NFX1: variants seen among roughly 807,000 people sequenced by gnomAD.
The protein encoded by NFX1 is transcriptional repressor NF-X1.
In NFX1, 69 loss-of-function variants were observed where a neutral mutation model predicts 137.2. The observed-to-expected ratio is 0.50, with a 90% CI of 0.41 to 0.61. The LOEUF is 0.61. Among genes scored for constraint, NFX1 ranks in the 20% least tolerant of loss-of-function variants. The pLI, the probability that NFX1 is intolerant of heterozygous loss-of-function variation, is 0.00. For synonymous variants in NFX1, 495 were observed against 474.1 expected, an observed-to-expected ratio of 1.04 and a Z score of -0.57; for missense variants, 1,167 against 1,391.0, an observed-to-expected ratio of 0.84 and a Z score of 2.56.
chr9:33,304,530 A>T (rs999506969), intron 4 of NFX1, among the ~76,000 whole-genome samples: 6 of 152,206 alleles, frequency 3.9e-5, no homozygotes, highest in Non-Finnish European at 8.8e-5. Context: ...ATCAACTCTG[A>T]ATCTTCTAGA....
At position 33,294,649 on chromosome 9, in the gene NFX1, G is replaced by A. The variant is rs1166294762; in HGVS notation, c.255G>A (p.Thr85=). The change falls in exon 2 of 24, where the codon ACG becomes ACA. Residue 85 remains threonine (T), a synonymous_variant. Transcript: ENST00000379540. Reference sequence around the variant, plus strand: ...GAAGCAAACCTAAGAGTCAGCAGACGTCTTTCCAGTCCTCTCCTTGTAATA... The same window carrying A: ...GAAGCAAACCTAAGAGTCAGCAGACATCTTTCCAGTCCTCTCCTTGTAATA... ...PSGSKPKSQQ[T]SFQSSPCNKS... 8 of 1,614,026 alleles carry A rather than the reference G, an allele frequency of 5.0e-6. No individual in the cohort carries two copies. The highest frequency in any genetic ancestry group is 2.2e-5 in the South Asian group (2 of 91,082).
At chr9:33,357,448 T>A (rs561828133) in intron 19 of NFX1, among the ~76,000 whole-genome samples, 26 of 152,278 alleles carry the variant, frequency 1.7e-4, no homozygotes, top group Admixed American at 5.9e-4. Flanking sequence ...GTAGTATATA[T>A]CCTCAACCAT....
intron 19 of NFX1, among the ~76,000 whole-genome samples, chr9:33,356,520 GTTTA>G (rs1219309853): frequency 5.3e-5 from 8 of 151,916 alleles, no homozygotes; most frequent in South Asian, 4.2e-4. Context: ...ATATTATCCA[GTTTA>G]TTTGAGTTTC....
At chr9:33,334,482 C>T (rs1822926399) in intron 11 of NFX1, among the ~76,000 whole-genome samples, 1 of 151,632 alleles carries the variant, frequency 6.6e-6, no homozygotes, top group Admixed American at 6.6e-5. Flanking sequence ...ATAATAAAAA[C>T]ATAATTTGAA....
In NFX1 at chr9:33,303,244, C is replaced by G; in HGVS notation, c.1246C>G (p.Pro416Ala). 1 of 1,614,044 alleles carries G rather than the reference C, an allele frequency of 6.2e-7. No homozygotes were observed. Among genetic ancestry groups the G allele is most frequent in the Non-Finnish European group, 8.5e-7 (1 of 1,179,970 alleles). The change falls in exon 4 of 24, where the codon CCT becomes GCT. Residue 416 changes from proline (P) to alanine (A), a missense_variant. This residue lies in a region of NFX1 where 488 missense variants were observed against 691.5 expected (regional missense o/e 0.71). Coordinates refer to ENST00000379540, the MANE Select transcript of NFX1 (RefSeq NM_002504.6). ...CTGTCAGAATGTTTCTGCACATGTT[C>G]CTAATACCTACACTTGTTTCTGTGG... Reference protein sequence around the residue: ...PACQNVSAHVPNTYTCFCGKV... With the variant: ...PACQNVSAHVANTYTCFCGKV...
rs1010320527 is a variant in NFX1, at chr9:33,331,131, G to A, written c.2005-1341G>A. On this transcript the variant is annotated intron_variant, in intron 10 of 23. Transcript: ENST00000379540. ...CAGTGAACCGAGATTGCACCACTGC[G>A]CTCCAGCCAGGGCAACAGAGCAAGA... Among the ~76,000 whole-genome samples the A allele has an allele frequency of 5.9e-5, 9 of 151,862 alleles. No homozygotes were observed. The East Asian group carries it at 1.5e-3, about 26-fold the overall frequency.
chr9:33,351,663 A>G lies in NFX1; in HGVS notation c.2528A>G (p.Lys843Arg), dbSNP rs1208971187. The G allele has an allele frequency of 1.9e-6, 3 of 1,614,048 alleles. No homozygotes were observed. Among genetic ancestry groups the G allele is most frequent in the Non-Finnish European group, 2.5e-6 (3 of 1,180,034 alleles). The change falls in exon 16 of 24, where the codon AAA becomes AGA. Residue 843 changes from lysine to arginine, a missense_variant. Physicochemically the swap from Lys to Arg is conservative, Grantham distance 26 (BLOSUM62 2). This residue lies in a region of NFX1 where 488 missense variants were observed against 691.5 expected (regional missense o/e 0.71). Transcript: ENST00000379540. Reference sequence around the variant, plus strand: ...CACAAATGTCAGAGACTCTGTCACAAAGGGGAGTGTCTTGTGGATGAGCCC... The same window carrying G: ...CACAAATGTCAGAGACTCTGTCACAGAGGGGAGTGTCTTGTGGATGAGCCC... ...GMHKCQRLCH[K>R]GECLVDEPCK...
At chr9:33,292,277 TC>T (rs1422655716) in intron 1 of NFX1, among the ~76,000 whole-genome samples, 2 of 152,184 alleles carry the variant, frequency 1.3e-5, no homozygotes, top group Non-Finnish European at 2.9e-5. Context: ...TAGTTCCCAT[TC>T]CATGTTCGTA....
chr9:33,291,115 C>T (rs1314719373), intron 1 of NFX1, among the ~76,000 whole-genome samples: 1 of 152,196 alleles, frequency 6.6e-6, no homozygotes, highest in East Asian at 1.9e-4. Context: ...ATGGCTCCCG[C>T]CCTGTACTGT....
intron 15 of NFX1, chr9:33,347,793 C>G: frequency 7.0e-6 from 2 of 286,374 alleles, no homozygotes; most frequent in Non-Finnish European, 1.4e-5. Context: ...GCCCATCAGT[C>G]AACAAGTGGA....
At chr9:33,298,095 G>A (rs1228744744) in intron 2 of NFX1, among the ~76,000 whole-genome samples, 1 of 152,138 alleles carries the variant, frequency 6.6e-6, no homozygotes, top group African/African-American at 2.4e-5. Context: ...ATTCTGGTAG[G>A]GAAGACAGGC....
At chr9:33,291,465 G>A (rs1821158072) in intron 1 of NFX1, among the ~76,000 whole-genome samples, 1 of 152,220 alleles carries the variant, frequency 6.6e-6, no homozygotes, top group South Asian at 2.1e-4. Context: ...GGAAAACAGG[G>A]CAGCAGTTTG....
Position 33,290,572 on chromosome 9 carries a change from G to T in NFX1, c.-1G>T, listed in dbSNP as rs1188128573. ...GCTCGATCTAGGTTCTGCGGCACGG[G>T]ATGGCGGAGGCGCCTCCTGTCTCAG... is the stretch of plus-strand genomic sequence containing the variant. On this transcript the variant is annotated 5_prime_UTR_variant, in exon 1 of 24. Coordinates refer to ENST00000379540, the MANE Select transcript of NFX1 (RefSeq NM_002504.6). The T allele has an allele frequency of 6.2e-7, 1 of 1,614,052 alleles. No individual in the cohort carries two copies.
chr9:33,363,263 GTATTATTATTATTAT>G (rs60988084), intron 19 of NFX1, among the ~76,000 whole-genome samples: 10 of 144,816 alleles, frequency 6.9e-5, no homozygotes, highest in African/African-American at 1.0e-4. Context: ...ATAAAGAAAT[GTATTATTATTATTAT>G]TATTATTATT....
intron 9 of NFX1, among the ~76,000 whole-genome samples, chr9:33,328,036 G>T (rs1249674576): frequency 6.6e-6 from 1 of 152,026 alleles, no homozygotes; most frequent in Admixed American, 6.6e-5. Context: ...TTTGAAACAG[G>T]GTCTTGCTCT....
chr9:33,346,985 T>G (rs1364397066), intron 14 of NFX1, 53 bp from the exon 15 acceptor site: 2 of 1,452,400 alleles, frequency 1.4e-6, no homozygotes, highest in Admixed American at 3.4e-5. Context: ...GTATAATGGT[T>G]TACATGGCTT....
At chr9:33,348,683 A>C in intron 15 of NFX1, 7 of 926,954 alleles carry the variant, frequency 7.6e-6, no homozygotes, top group Non-Finnish European at 9.0e-6. Context: ...ATTTGTAAAA[A>C]ATGTGATATC....
intron 16 of NFX1, chr9:33,352,002 C>G: frequency 2.0e-6 from 1 of 503,002 alleles, no homozygotes; most frequent in Non-Finnish European, 3.5e-6. Context: ...CCCACTGCCA[C>G]CGGACCACAG....
chr9:33,312,359 A>G (rs945290618), intron 6 of NFX1, among the ~76,000 whole-genome samples: 1 of 152,258 alleles, frequency 6.6e-6, no homozygotes, highest in Non-Finnish European at 1.5e-5. Context: ...GGTTACTGTT[A>G]GCCATGGTGC....
Sources: allele counts gnomAD v4.1 joint callset (sites outside exome capture counted in the v4.1 genomes callset), GRCh38; gene constraint gnomAD v4.1.1; regional missense constraint gnomAD v4.1.1; transcripts MANE v1.5; gene names NCBI Gene and HGNC (gene_info 2026-07-23, HGNC 2026-07-21).